Variants in RASAL2 observed in about 807,000 individuals in gnomAD.
RASAL2 encodes ras GTPase-activating protein nGAP.
A neutral mutation model predicts 128.9 loss-of-function variants in RASAL2; 58 were observed. That is an observed-to-expected ratio of 0.45 (90% CI 0.36 to 0.56). The LOEUF is 0.56. Ranked by LOEUF, RASAL2 falls within the 20% of genes least tolerant of loss-of-function variation. RASAL2 has a pLI of 0.00. For synonymous variants in RASAL2, 561 were observed against 580.8 expected (o/e 0.97, Z 0.49); for missense variants, 1,360 against 1,601.6 (o/e 0.85, Z 2.57).
At chr1:178,185,526 G>T (rs1662261399) in intron 1 of RASAL2, among the ~76,000 whole-genome samples, 1 of 151,508 alleles carries the variant, frequency 6.6e-6, no homozygotes, top group African/African-American at 2.4e-5. Flanking sequence ...TTTTGGCTTG[G>T]GGGTATATAA....
At chr1:178,193,818 TG>T (rs1402557818) in intron 1 of RASAL2, among the ~76,000 whole-genome samples, 2 of 152,210 alleles carry the variant, frequency 1.3e-5, no homozygotes, top group African/African-American at 4.8e-5. Flanking sequence ...TTTAAAATGT[TG>T]ACACTATAAT....
At chr1:178,123,907 A>C (rs1358991308) in intron 1 of RASAL2, 1 of 152,416 alleles carries the variant, frequency 6.6e-6, no homozygotes, top group East Asian at 1.9e-4. Flanking sequence ...TTCTGGGCTC[A>C]AGCGATCCTT....
chr1:178,197,862 A>G (rs1662723758), intron 1 of RASAL2, among the ~76,000 whole-genome samples: 1 of 151,916 alleles, frequency 6.6e-6, no homozygotes, highest in South Asian at 2.1e-4. Context: ...CCCCCACCCA[A>G]TGACAGGCCC....
intron 1 of RASAL2, among the ~76,000 whole-genome samples, chr1:178,095,824 T>C (rs1327180858): frequency 2.6e-5 from 4 of 152,200 alleles, no homozygotes; most frequent in African/African-American, 9.6e-5. Context: ...TAAATGGCTA[T>C]GGGATTTGGG....
chr1:178,279,536 TTC>T (rs1442228795), intron 1 of RASAL2, among the ~76,000 whole-genome samples: 1 of 152,168 alleles, frequency 6.6e-6, no homozygotes, highest in East Asian at 1.9e-4. Context: ...CTCATTGACT[TTC>T]TGTTTTCTAA....
intron 1 of RASAL2, among the ~76,000 whole-genome samples, chr1:178,257,205 A>C (rs571410576): frequency 6.6e-6 from 1 of 152,264 alleles, no homozygotes; most frequent in South Asian, 2.1e-4. Context: ...AATACTCACA[A>C]AATGGTCCAC....
At chr1:178,457,652 G>C (rs759686091) in intron 13 of RASAL2, 31 bp from the exon 14 acceptor site, 2 of 1,593,500 alleles carry the variant, frequency 1.3e-6, no homozygotes, top group African/African-American at 2.7e-5. Flanking sequence ...GTTGTCTCAA[G>C]AGAAATTAAG....
rs1558019858 is a variant in RASAL2 at position 178,473,331 on chromosome 1, G to A, written c.*92G>A. ...AGCCCCTCCAGGTTTACAGAATGTT[G>A]CTACTTCACAATGGCGATGTGGTGA... On this transcript the variant is annotated 3_prime_UTR_variant, in exon 18 of 18. Transcript: ENST00000367649. 3 of 1,473,436 alleles carry A rather than the reference G, an allele frequency of 2.0e-6. No individual in the cohort carries two copies. The highest frequency in any genetic ancestry group is 4.6e-5 in the East Asian group (2 of 43,470). The allele number at this position is 1,473,436 out of a possible 1,614,324, so 91.3% of individuals were successfully genotyped here. A position where few individuals can be genotyped will look rare whatever the true frequency, so the allele number is the denominator to read the frequency against.
chr1:178,313,433 G>A (rs1235223186), intron 3 of RASAL2, among the ~76,000 whole-genome samples: 1 of 152,076 alleles, frequency 6.6e-6, no homozygotes, highest in Non-Finnish European at 1.5e-5. Context: ...GGAGGGCTGG[G>A]TATTGCTGTT....
intron 3 of RASAL2, among the ~76,000 whole-genome samples, chr1:178,330,869 C>A (rs1334613648): frequency 6.6e-6 from 1 of 152,096 alleles, no homozygotes; most frequent in South Asian, 2.1e-4. Context: ...CAGTGCCTCT[C>A]CCCCGGAATA....
chr1:178,181,906 A>C (rs960548363), intron 1 of RASAL2, among the ~76,000 whole-genome samples: 1 of 152,142 alleles, frequency 6.6e-6, no homozygotes, highest in African/African-American at 2.4e-5. Context: ...AACATTGTTA[A>C]TGTTGATCAC....
chr1:178,134,457 C>CAAAA (rs59410623), intron 1 of RASAL2, among the ~76,000 whole-genome samples: 3 of 111,514 alleles, frequency 2.7e-5, no homozygotes, highest in Non-Finnish European at 3.8e-5. Flanking sequence ...GACCCTATCT[C>CAAAA]AAAAAAAAAA....
At chr1:178,259,203 T>C (rs1665537447) in intron 1 of RASAL2, among the ~76,000 whole-genome samples, 1 of 135,636 alleles carries the variant, frequency 7.4e-6, no homozygotes, top group Non-Finnish European at 1.5e-5. Flanking sequence ...CAATCTCGGC[T>C]CACTGCAAGC....
rs754818470 is a variant in RASAL2 at position 178,300,085 on chromosome 1, C to G, written c.424C>G (p.Pro142Ala). The G allele has an allele frequency of 1.2e-6, 2 of 1,613,802 alleles. No individual in the cohort carries two copies. The highest frequency in any genetic ancestry group is 8.5e-7 in the Non-Finnish European group (1 of 1,179,876). ...CAGTGTCCCTTCCGAGGGTCAGTTT[C>G]CCGAGTACCCACCAGAGGGCGCCAC... Reference protein sequence around the residue: ...TVSVPSEGQFPEYPPEGATKL... With the variant: ...TVSVPSEGQFAEYPPEGATKL... The change falls in exon 3 of 18, where the codon CCC (proline) becomes GCC (alanine). Residue 142 changes from proline to alanine, a missense_variant. Pro to Ala is a conservative substitution (Grantham distance 27). This residue lies in a region of RASAL2 where 617 missense variants were observed against 714.2 expected (regional missense o/e 0.86). Transcript: ENST00000367649.
At chr1:178,237,665 T>C (rs1160264717) in intron 1 of RASAL2, among the ~76,000 whole-genome samples, 5 of 152,240 alleles carry the variant, frequency 3.3e-5, no homozygotes, top group African/African-American at 1.2e-4. Context: ...ATAACTTACA[T>C]AACGTATTTC....
At chr1:178,277,038 C>T (rs1314426333) in intron 1 of RASAL2, among the ~76,000 whole-genome samples, 1 of 150,212 alleles carries the variant, frequency 6.7e-6, no homozygotes, top group Non-Finnish European at 1.5e-5. Flanking sequence ...GTCTCAGCTA[C>T]TCGGGAGGCT....
chr1:178,260,251 G>A (rs1030683473), intron 1 of RASAL2, among the ~76,000 whole-genome samples: 1 of 148,240 alleles, frequency 6.7e-6, no homozygotes, highest in Non-Finnish European at 1.5e-5. Context: ...CACTTGGGAG[G>A]CTGAGACAGA....
At chr1:178,290,990 A>G (rs1667258068) in intron 2 of RASAL2, among the ~76,000 whole-genome samples, 2 of 148,616 alleles carry the variant, frequency 1.3e-5, no homozygotes, top group Non-Finnish European at 3.0e-5. Flanking sequence ...TTAGTTTTTA[A>G]TTGTAATATA....
intron 8 of RASAL2, among the ~76,000 whole-genome samples, chr1:178,444,995 A>T (rs981908007): frequency 8.5e-5 from 13 of 152,098 alleles, no homozygotes; most frequent in African/African-American, 3.1e-4. Flanking sequence ...GAGCTGACTA[A>T]TGGAGTTCAG....
Sources: gnomAD v4.1 joint callset for allele counts (sites outside exome capture counted in the v4.1 genomes callset) on GRCh38, gnomAD v4.1.1 for gene constraint, gnomAD v4.1.1 regional missense constraint, MANE v1.5 for transcripts, NCBI Gene and HGNC (gene_info 2026-07-23, HGNC 2026-07-21) for gene names.